Variants in SLC14A2 observed in about 807,000 individuals in gnomAD.
SLC14A2 encodes urea transporter 2.
SLC14A2 carries 91 observed loss-of-function variants against 104.6 expected under a neutral mutation model. The ratio of observed to expected loss-of-function variants is 0.87; its 90% confidence interval spans 0.73 to 1.04. The LOEUF (loss-of-function observed/expected upper bound fraction) is 1.04. Among genes scored for constraint, SLC14A2 ranks in the 50% least tolerant of loss-of-function variants. SLC14A2 has a pLI of 0.00. For synonymous variants in SLC14A2, 476 were observed against 466.4 expected, an observed-to-expected ratio of 1.02 and a Z score of -0.27; for missense variants, 1,189 against 1,156.0, an observed-to-expected ratio of 1.03 and a Z score of -0.41.
intron 1 of SLC14A2, among the ~76,000 whole-genome samples, chr18:45,246,010 T>C (rs988448682): frequency 1.3e-5 from 2 of 152,334 alleles, no homozygotes; most frequent in Admixed American, 1.3e-4. Flanking sequence ...TGGACTGAAT[T>C]GTGTTTCCTC....
chr18:45,323,244 G>T (rs2144243516), intron 1 of SLC14A2, among the ~76,000 whole-genome samples: 1 of 152,268 alleles, frequency 6.6e-6, no homozygotes, highest in Non-Finnish European at 1.5e-5. Context: ...TCAGTAAACT[G>T]ATTATTTACA....
At chr18:45,595,901 T>C (rs1403761785) in intron 2 of SLC14A2, among the ~76,000 whole-genome samples, 1 of 152,180 alleles carries the variant, frequency 6.6e-6, no homozygotes, top group Non-Finnish European at 1.5e-5. Context: ...AGGGTGTTCA[T>C]TGAGGAGGGT....
chr18:45,249,581 C>G (rs1366395232), intron 1 of SLC14A2, among the ~76,000 whole-genome samples: 1 of 152,174 alleles, frequency 6.6e-6, no homozygotes, highest in Non-Finnish European at 1.5e-5. Flanking sequence ...ATCTCCTCTT[C>G]TGTCTGATGA....
rs536760322 is a variant in SLC14A2 at position 45,665,798 on chromosome 18, C to G, written c.1475-339C>G. On this transcript the variant is annotated intron_variant, in intron 11 of 19. Transcript: ENST00000255226. ...AAGCACAAGTCACTGTCTCTCCAGG[C>G]TGCTGTTTCCTCATCTAAAAAATTA... 2.8e-5 allele frequency among the ~76,000 whole-genome samples: 4 copies of G among 143,566 alleles called. No individual in the cohort carries two copies. In the South Asian group the frequency reaches 9.1e-4, roughly 33 times the overall value. The allele number at this position is 143,566 out of a possible 152,430, so 94.2% of individuals were successfully genotyped here.
chr18:45,654,630 T>A (rs1240027136), intron 10 of SLC14A2, among the ~76,000 whole-genome samples: 5 of 152,046 alleles, frequency 3.3e-5, no homozygotes, highest in Non-Finnish European at 7.4e-5. Context: ...AGAGACAACA[T>A]AGATTTTGGA....
intron 2 of SLC14A2, among the ~76,000 whole-genome samples, chr18:45,506,107 CT>C (rs2043280256): frequency 1.3e-5 from 2 of 152,186 alleles, no homozygotes; most frequent in African/African-American, 2.4e-5. Context: ...AGCTTTGAGG[CT>C]GCAGGGGGAC....
At chr18:45,414,658 C>T (rs191004067) in intron 1 of SLC14A2, among the ~76,000 whole-genome samples, 1 of 148,218 alleles carries the variant, frequency 6.7e-6, no homozygotes, top group Non-Finnish European at 1.5e-5. Flanking sequence ...AGTTAGTCTT[C>T]TTTCAAATAA....
intron 1 of SLC14A2, among the ~76,000 whole-genome samples, chr18:45,262,607 A>G (rs1011957015): frequency 1.3e-5 from 2 of 152,076 alleles, no homozygotes; most frequent in Admixed American, 6.5e-5. Flanking sequence ...CTAAACAACA[A>G]TCTGGTGAAG....
At chr18:45,514,450 C>T (rs2043409666) in intron 2 of SLC14A2, among the ~76,000 whole-genome samples, 1 of 152,174 alleles carries the variant, frequency 6.6e-6, no homozygotes, top group Admixed American at 6.5e-5. Flanking sequence ...CCAACTCCAA[C>T]ATTGGGAATT....
intron 1 of SLC14A2, among the ~76,000 whole-genome samples, chr18:45,342,590 C>T (rs1051143890): frequency 2.0e-5 from 3 of 152,146 alleles, no homozygotes; most frequent in African/African-American, 7.2e-5. Flanking sequence ...TAACTCAGAG[C>T]AACCAGATGA....
chr18:45,392,431 A>G (rs1051639465), intron 1 of SLC14A2, among the ~76,000 whole-genome samples: 2 of 152,232 alleles, frequency 1.3e-5, no homozygotes, highest in Admixed American at 6.5e-5. Context: ...ACAGTGCAGC[A>G]TGGTAATCAG....
At chr18:45,391,553 G>A (rs1179967611) in intron 1 of SLC14A2, among the ~76,000 whole-genome samples, 3 of 152,262 alleles carry the variant, frequency 2.0e-5, no homozygotes, top group Admixed American at 6.5e-5. Context: ...CAGTGTAAAA[G>A]TGTTCCTATT....
Position 45,667,872 on chromosome 18 carries a change from G to A in SLC14A2, c.1757G>A (p.Arg586Gln), listed in dbSNP as rs139711773. The A allele has an allele frequency of 3.4e-4, 550 of 1,614,098 alleles. 3 individuals are homozygous for A. In the Middle Eastern group the frequency reaches 4.8e-3, roughly 14 times the overall value. ...TTCCAGTTCTTTGACTGGGTCCTCC[G>A]AGGCACATCTCAAGTGATGTTTGTG... ...PVFQFFDWVL[R>Q]GTSQVMFVNN... The change falls in exon 14 of 20, where the codon CGA (arginine) becomes CAA (glutamine). Residue 586 changes from arginine (R) to glutamine (Q), a missense_variant. By Grantham distance (43) the Arg-to-Gln change is conservative (BLOSUM62 1). Coordinates refer to ENST00000255226, the MANE Select transcript of SLC14A2 (RefSeq NM_007163.4).
chr18:45,572,227 A>AAAAT (rs1395420655), intron 2 of SLC14A2, among the ~76,000 whole-genome samples: 21 of 152,222 alleles, frequency 1.4e-4, no homozygotes, highest in Non-Finnish European at 2.1e-4. Flanking sequence ...GGCAATTCCC[A>AAAAT]AAATAGAATT....
chr18:45,266,615 A>G (rs1282426899), intron 1 of SLC14A2, among the ~76,000 whole-genome samples: 1 of 152,166 alleles, frequency 6.6e-6, no homozygotes, highest in Non-Finnish European at 1.5e-5. Context: ...ATAGCCTTTT[A>G]TGGCCATAAT....
chr18:45,259,267 A>G (rs541435234), intron 1 of SLC14A2, among the ~76,000 whole-genome samples: 1 of 152,366 alleles, frequency 6.6e-6, no homozygotes, highest in East Asian at 1.9e-4. Context: ...ATCATGAATT[A>G]TGTCCACTGT....
At chr18:45,672,083 T>C (rs903592638) in intron 16 of SLC14A2, among the ~76,000 whole-genome samples, 7 of 152,194 alleles carry the variant, frequency 4.6e-5, no homozygotes, top group Non-Finnish European at 1.0e-4. Flanking sequence ...TGCTGGGCGA[T>C]ACTACCTTCT....
At chr18:45,474,242 G>A (rs531254814) in intron 1 of SLC14A2, among the ~76,000 whole-genome samples, 48 of 152,228 alleles carry the variant, frequency 3.2e-4, no homozygotes, top group African/African-American at 8.9e-4. Context: ...TGATCGTGGC[G>A]GATAAGCTTT....
chr18:45,559,016 C>G (rs1001468314), intron 2 of SLC14A2, among the ~76,000 whole-genome samples: 1 of 152,076 alleles, frequency 6.6e-6, no homozygotes, highest in African/African-American at 2.4e-5. Context: ...GTCTCAATCT[C>G]CTGGCCTCGT....
Sources: allele counts gnomAD v4.1 joint callset (sites outside exome capture counted in the v4.1 genomes callset), GRCh38; gene constraint gnomAD v4.1.1; transcripts MANE v1.5; gene names NCBI Gene and HGNC (gene_info 2026-07-23, HGNC 2026-07-21).